The following COL6A5 variants were observed in gnomAD, a reference collection of about 807,000 sequenced individuals.
The protein encoded by COL6A5 is collagen alpha-5(VI) chain.
A neutral mutation model predicts 65.6 loss-of-function variants in COL6A5; 48 were observed. The ratio of observed to expected loss-of-function variants is 0.73; its 90% CI spans 0.58 to 0.93. The LOEUF (loss-of-function observed/expected upper bound fraction) is 0.93, where lower values mean the gene tolerates loss of function less well. Among genes scored for constraint, COL6A5 ranks in the 40% least tolerant of loss-of-function variants. The probability of loss-of-function intolerance (pLI) is 0.00; values close to 1 mark genes in which losing one functional copy is unlikely to be tolerated. For missense variants in COL6A5, 914 were observed against 928.3 expected (o/e 0.98, Z 0.20); for synonymous variants, 291 against 322.8 (o/e 0.90, Z 1.05).
At chr3:130,418,803 A>G (rs945284029) in intron 24 of COL6A5, 66 bp from the exon 25 acceptor site, 1 of 1,303,078 alleles carries the variant, frequency 7.7e-7, no homozygotes, top group Non-Finnish European at 1.1e-6. Flanking sequence ...GAGTGGACAG[A>G]ACTTACCGTG....
At chr3:130,381,171 C>A (rs1935981413) in intron 4 of COL6A5, among the ~76,000 whole-genome samples, 1 of 152,040 alleles carries the variant, frequency 6.6e-6, no homozygotes, top group African/African-American at 2.4e-5. Context: ...GAAATGTGAC[C>A]TTTATTTGGG....
upstream of COL6A5, chr3:130,431,366 C>A (rs1376183460): frequency 7.4e-7 from 1 of 1,349,646 alleles, no homozygotes; most frequent in Non-Finnish European, 1.0e-6. Context: ...GAAGCACTTG[C>A]TTTGCCTCTG....
In COL6A5 at chr3:130,390,577, T is replaced by C. The variant is rs372160774; in HGVS notation, c.2417-602T>C. ...GGGTTTGGGGTCAGGGAAAAGGTGA[T>C]AGGAGTTTTTGCTCTCCTCCTACTT... On this transcript the variant is annotated intron_variant and NMD_transcript_variant, in intron 6 of 41. Transcript: ENST00000312481. Among the ~76,000 whole-genome samples the C allele has an allele frequency of 2.0e-5, 3 of 152,278 alleles. 1 individual carries two copies. The East Asian group carries it at 5.8e-4, about 29-fold the overall frequency.
intron 4 of COL6A5, among the ~76,000 whole-genome samples, chr3:130,382,255 A>G (rs1223196583): frequency 6.6e-6 from 1 of 152,082 alleles, no homozygotes; most frequent in African/African-American, 2.4e-5. Context: ...ACAAAAAAAC[A>G]TAACTAGAGA....
chr3:130,384,978 T>C (rs1177329699), exon 5 of COL6A5: 2 of 1,550,924 alleles, frequency 1.3e-6, no homozygotes, highest in South Asian at 1.2e-5. Flanking sequence ...GACACAGAAG[T>C]GGAATTTTAT....
chr3:130,402,495 A>G (rs1435075920), intron 12 of COL6A5, among the ~76,000 whole-genome samples: 1 of 152,248 alleles, frequency 6.6e-6, no homozygotes, highest in African/African-American at 2.4e-5. Context: ...TTTTACTAAC[A>G]TGGTAATGAC....
At chr3:130,445,379 T>A (rs4688766) in intron 4 of COL6A5, among the ~76,000 whole-genome samples, 126,396 of 152,174 alleles carry the variant, frequency 0.83, 54,107 homozygotes, top group Non-Finnish European at 0.93. Flanking sequence ...ATACAAGTGT[T>A]TAAATGACAA....
intron 25 of COL6A5, among the ~76,000 whole-genome samples, chr3:130,419,197 AC>A (rs1252772940): frequency 1.3e-5 from 2 of 152,088 alleles, no homozygotes; most frequent in Non-Finnish European, 1.5e-5. Context: ...TACCTTAACA[AC>A]CAGCATGGCC....
intron 5 of COL6A5, among the ~76,000 whole-genome samples, chr3:130,459,807 A>G (rs962260611): frequency 6.6e-6 from 1 of 151,994 alleles, no homozygotes; most frequent in African/African-American, 2.4e-5. Context: ...AATTTAGCAA[A>G]TTGAGTTTTT....
At chr3:130,464,616 T>C (rs1709773028) in intron 5 of COL6A5, among the ~76,000 whole-genome samples, 1 of 152,096 alleles carries the variant, frequency 6.6e-6, no homozygotes, top group African/African-American at 2.4e-5. Context: ...TCACAATTCC[T>C]AACACACTAT....
intron 3 of COL6A5, 74 bp downstream of exon 3, chr3:130,376,910 A>G (rs1047591278): frequency 8.4e-6 from 12 of 1,427,808 alleles, no homozygotes; most frequent in Non-Finnish European, 1.1e-5. Context: ...ACCTCTTGCA[A>G]CTCATGTTAG....
exon 22 of COL6A5, chr3:130,414,131 G>A (rs927185141): frequency 1.3e-6 from 2 of 1,548,164 alleles, no homozygotes; most frequent in Admixed American, 3.9e-5. Flanking sequence ...AAGGCCCACA[G>A]GTGTGTTGGA....
At chr3:130,403,790 G>A in intron 13 of COL6A5, 128 bp downstream of exon 13, 1 of 565,752 alleles carries the variant, frequency 1.8e-6, no homozygotes, top group Non-Finnish European at 2.9e-6. Context: ...GGGGTAGATG[G>A]GGTTTTGTTT....
intron 7 of COL6A5, among the ~76,000 whole-genome samples, chr3:130,482,450 T>C (rs746302444): frequency 1.3e-5 from 2 of 152,172 alleles, no homozygotes; most frequent in African/African-American, 4.8e-5. Context: ...TACTGTAGCC[T>C]TGTAGTATAG....
At chr3:130,464,491 A>G (rs900841397) in intron 5 of COL6A5, among the ~76,000 whole-genome samples, 3 of 151,938 alleles carry the variant, frequency 2.0e-5, no homozygotes, top group Non-Finnish European at 4.4e-5. Context: ...AAATTGAAAT[A>G]CTGTAGTTGA....
intron 5 of COL6A5, 92 bp downstream of exon 5, chr3:130,385,456 A>G (rs1936154506): frequency 3.9e-6 from 5 of 1,297,050 alleles, no homozygotes; most frequent in Admixed American, 2.7e-5. Flanking sequence ...TGATGTGACC[A>G]GTTGTCCGGA....
intron 1 of COL6A5, among the ~76,000 whole-genome samples, chr3:130,368,555 G>A (rs1163181171): frequency 2.0e-5 from 3 of 151,992 alleles, no homozygotes; most frequent in Non-Finnish European, 4.4e-5. Flanking sequence ...GAGTGTGTGT[G>A]TGTGTGTGTT....
intron 29 of COL6A5, 85 bp downstream of exon 29, chr3:130,423,985 A>C (rs557612951): frequency 1.9e-6 from 2 of 1,044,682 alleles, no homozygotes; most frequent in African/African-American, 1.6e-5. Flanking sequence ...AGTCAAATGC[A>C]CTGGATTTAA....
chr3:130,350,274 A>G (rs1398811260), intron 1 of COL6A5, among the ~76,000 whole-genome samples: 1 of 152,018 alleles, frequency 6.6e-6, no homozygotes, highest in Non-Finnish European at 1.5e-5. Flanking sequence ...CTCTCTCACC[A>G]CTCCTATTCA....
Sources: gnomAD v4.1 joint callset for allele counts (sites outside exome capture counted in the v4.1 genomes callset) on GRCh38, gnomAD v4.1.1 for gene constraint, MANE v1.5 for transcripts, NCBI Gene and HGNC (gene_info 2026-07-23, HGNC 2026-07-21) for gene names.